Variants in TXK observed in about 807,000 individuals in gnomAD.
TXK encodes the protein tyrosine-protein kinase TXK.
Under a neutral mutation model 81.0 loss-of-function variants are expected in TXK, and 60 were observed. The observed-to-expected ratio is 0.74, with a 90% CI of 0.60 to 0.92. The LOEUF is 0.92. Ranked by LOEUF, TXK falls within the 40% of genes least tolerant of loss-of-function variation. The pLI, the probability that TXK is intolerant of heterozygous loss-of-function variation, is 0.00. For missense variants in TXK, 581 were observed against 638.3 expected (o/e 0.91, Z 0.97); for synonymous variants, 203 against 210.7 (o/e 0.96, Z 0.32).
intron 1 of TXK, among the ~76,000 whole-genome samples, chr4:48,119,405 T>C (rs1259976558): frequency 6.6e-6 from 1 of 152,216 alleles, no homozygotes; most frequent in African/African-American, 2.4e-5. Flanking sequence ...TGTTGAGCCA[T>C]GGACAGACTG....
In TXK at chr4:48,066,881, T is replaced by A. The variant is rs1373507566; in HGVS notation, c.*756A>T. On this transcript the variant is annotated 3_prime_UTR_variant, in exon 15 of 15. Transcript: ENST00000264316. ...ACACTTAGTATGACAAAATAAGGCC[T>A]CTGAAACTGTCCAATCTCACATGTA... The A allele has an allele frequency of 2.6e-5, 4 of 152,164 alleles. No homozygotes were observed. Among genetic ancestry groups the A allele is most frequent in the Non-Finnish European group, 5.9e-5 (4 of 68,022 alleles). 9.4% of individuals were successfully genotyped at this position (152,164 alleles called of 1,614,324 possible).
In TXK at chr4:48,109,638, T is replaced by C. The variant is rs898966130; in HGVS notation, c.446+900A>G. On this transcript the variant is annotated intron_variant, in intron 5 of 14. Coordinates refer to ENST00000264316, the MANE Select transcript of TXK (RefSeq NM_003328.3). Reference sequence around the variant, plus strand: ...TAGAGTAATGTAGATGAGTCATGTGTCCTGAAGTCATCTCCTTCTCTCCTC... The same window carrying C: ...TAGAGTAATGTAGATGAGTCATGTGCCCTGAAGTCATCTCCTTCTCTCCTC... Among the ~76,000 whole-genome samples, 4 of 152,230 alleles carry C rather than the reference T, an allele frequency of 2.6e-5. No homozygotes were observed. The East Asian group carries it at 7.7e-4, about 29-fold the overall frequency.
intron 10 of TXK, 158 bp from the exon 11 acceptor site, chr4:48,080,286 A>T (rs1431620678): frequency 1.6e-6 from 1 of 633,474 alleles, no homozygotes; most frequent in Non-Finnish European, 2.8e-6. Context: ...TTTCCTTGCC[A>T]CTTAATGCAC....
intron 1 of TXK, 73 bp from the exon 2 acceptor site, chr4:48,114,475 G>T: frequency 6.9e-7 from 1 of 1,444,046 alleles, no homozygotes; most frequent in Non-Finnish European, 9.7e-7. Context: ...CTAAGGGAAG[G>T]GTGAGACGAA....
intron 6 of TXK, among the ~76,000 whole-genome samples, chr4:48,096,130 C>G (rs750033248): frequency 3.3e-5 from 5 of 152,162 alleles, no homozygotes; most frequent in Non-Finnish European, 7.4e-5. Flanking sequence ...CCTTCTCATT[C>G]CAGATATTCA....
chr4:48,089,213 A>G (rs1002431211), intron 9 of TXK, among the ~76,000 whole-genome samples: 8 of 152,168 alleles, frequency 5.3e-5, no homozygotes, highest in African/African-American at 1.9e-4. Context: ...TGGTAATGTA[A>G]CAGTGAAATC....
At chr4:48,079,448 C>T (rs1259265350) in intron 11 of TXK, among the ~76,000 whole-genome samples, 1 of 152,182 alleles carries the variant, frequency 6.6e-6, no homozygotes, top group Non-Finnish European at 1.5e-5. Context: ...TTCTGGCCCC[C>T]ACCCAGGAAC....
chr4:48,124,069 T>C (rs2704439), intron 1 of TXK, among the ~76,000 whole-genome samples: 117,294 of 152,078 alleles, frequency 0.77, 45,333 homozygotes, highest in East Asian at 0.89. Flanking sequence ...TGCCCTGTGG[T>C]TCCTAGTTAG....
rs1560334668 is a variant in TXK at position 48,066,961 on chromosome 4, A to C, written c.*676T>G. On this transcript the variant is annotated 3_prime_UTR_variant, in exon 15 of 15. Transcript: ENST00000264316. ...GGTTCCGGATTTTCCTGGAAATAGA[A>C]TGTCACCGGGATCTGTTCAAAGGTG... The C allele has an allele frequency of 2.0e-5, 3 of 152,220 alleles. No individual in the cohort carries two copies. The highest frequency in any genetic ancestry group is 2.9e-5 in the Non-Finnish European group (2 of 68,034). 9.4% of individuals were successfully genotyped at this position (152,220 alleles called of 1,614,324 possible). A position where few individuals can be genotyped will look rare whatever the true frequency, so the allele number is the denominator to read the frequency against.
intron 1 of TXK, among the ~76,000 whole-genome samples, chr4:48,121,274 A>G (rs1389048949): frequency 6.6e-6 from 1 of 152,222 alleles, no homozygotes; most frequent in Non-Finnish European, 1.5e-5. Context: ...AGTAAACAGG[A>G]GATGAAATCT....
chr4:48,116,055 G>T (rs1718804099), intron 1 of TXK, among the ~76,000 whole-genome samples: 1 of 152,156 alleles, frequency 6.6e-6, no homozygotes, highest in Non-Finnish European at 1.5e-5. Context: ...TCTTGGATAA[G>T]TCCCTTTACT....
rs561809960 is a variant in TXK, at chr4:48,083,579, C to G, written c.956+2887G>C. ...CAGAAACATTTTGGTTTATAATAAG[C>G]CTTCTAAATGTTCTCTTTCTTACCT... On this transcript the variant is annotated intron_variant, in intron 10 of 14. Coordinates refer to ENST00000264316, the MANE Select transcript of TXK (RefSeq NM_003328.3). Among the ~76,000 whole-genome samples the G allele has an allele frequency of 2.6e-5, 4 of 152,140 alleles. No individual in the cohort carries two copies. The East Asian group carries it at 7.7e-4, about 29-fold the overall frequency.
chr4:48,128,487 T>C (rs1208391121), intron 1 of TXK, among the ~76,000 whole-genome samples: 1 of 151,910 alleles, frequency 6.6e-6, no homozygotes, highest in Non-Finnish European at 1.5e-5. Flanking sequence ...ATATCCTTTT[T>C]GTTTTTTTTT....
intron 13 of TXK, among the ~76,000 whole-genome samples, chr4:48,073,086 G>A (rs1716928097): frequency 9.3e-6 from 1 of 107,782 alleles, no homozygotes; most frequent in Non-Finnish European, 1.8e-5. Flanking sequence ...CACCACACCT[G>A]GCTAATTTTT....
In TXK at chr4:48,114,537, G is replaced by A. The variant is rs144675601; in HGVS notation, c.17-135C>T. The stretch of plus-strand genomic sequence containing the variant: ...ATCGTGCCTTCCTTCACTAGTGGAA[G>A]ACAAATAACTGTCACTAAAGCAAAA... On this transcript the variant is annotated intron_variant, in intron 1 of 14. Transcript: ENST00000264316. 537 of 872,048 alleles carry A rather than the reference G, an allele frequency of 6.2e-4. 1 individual carries two copies. Among genetic ancestry groups the A allele is most frequent in the Admixed American group, 1.3e-3 (59 of 44,124 alleles). The allele number at this position is 872,048 out of a possible 1,614,324, so 54.0% of individuals were successfully genotyped here.
chr4:48,076,766 C>T (rs1037372359), intron 11 of TXK, among the ~76,000 whole-genome samples: 26 of 152,114 alleles, frequency 1.7e-4, no homozygotes, highest in African/African-American at 5.6e-4. Context: ...GTAGCTGGTA[C>T]TACAGGCACA....
intron 6 of TXK, among the ~76,000 whole-genome samples, chr4:48,097,646 C>T (rs1718032669): frequency 6.6e-6 from 1 of 151,450 alleles, no homozygotes; most frequent in Non-Finnish European, 1.5e-5. Context: ...TCATGTTGGC[C>T]AGGATGGTCT....
chr4:48,105,708 C>A (rs1488914226), intron 5 of TXK, among the ~76,000 whole-genome samples: 1 of 152,054 alleles, frequency 6.6e-6, no homozygotes, highest in Non-Finnish European at 1.5e-5. Flanking sequence ...AATCAAAAAA[C>A]AGAATACATG....
intron 5 of TXK, among the ~76,000 whole-genome samples, chr4:48,107,471 T>G (rs1718492359): frequency 6.6e-6 from 1 of 151,900 alleles, no homozygotes; most frequent in Admixed American, 6.6e-5. Flanking sequence ...CCATCTGAAT[T>G]ACATCCCCTG....
Sources: gnomAD v4.1 joint callset for allele counts (sites outside exome capture counted in the v4.1 genomes callset) on GRCh38, gnomAD v4.1.1 for gene constraint, MANE v1.5 for transcripts, NCBI Gene and HGNC (gene_info 2026-07-23, HGNC 2026-07-21) for gene names.